Variants in PPM1A observed in about 807,000 individuals in gnomAD.
PPM1A encodes protein phosphatase, Mg2+/Mn2+ dependent 1A.
Under a neutral mutation model 35.0 loss-of-function variants are expected in PPM1A, and 7 were observed. The observed-to-expected ratio is 0.20, with a 90% CI of 0.11 to 0.38. The LOEUF (loss-of-function observed/expected upper bound fraction) is 0.38. Among genes scored for constraint, PPM1A ranks in the 10% least tolerant of loss-of-function variants. The pLI, the probability that PPM1A is intolerant of heterozygous loss-of-function variation, is 1.00. For missense variants in PPM1A, 239 were observed against 467.8 expected (o/e 0.51, Z 4.51); for synonymous variants, 153 against 167.3 (o/e 0.91, Z 0.66).
chr14:60,290,234 A>G (rs925426605), intron 4 of PPM1A, among the ~76,000 whole-genome samples: 18 of 152,156 alleles, frequency 1.2e-4, no homozygotes, highest in Admixed American at 3.3e-4. Context: ...AAAATTTACA[A>G]AATTCTAAGT....
intron 1 of PPM1A, among the ~76,000 whole-genome samples, chr14:60,262,096 C>T (rs2139385073): frequency 6.6e-6 from 1 of 152,190 alleles, no homozygotes; most frequent in African/African-American, 2.4e-5. Context: ...AATTGATATT[C>T]ATTATTTAAT....
chr14:60,261,202 T>C (rs890359089), intron 1 of PPM1A, among the ~76,000 whole-genome samples: 1 of 152,052 alleles, frequency 6.6e-6, no homozygotes, highest in Non-Finnish European at 1.5e-5. Flanking sequence ...AAGAGATTGC[T>C]CAGGCTGAGG....
intron 3 of PPM1A, chr14:60,286,354 A>C: frequency 1.0e-6 from 1 of 985,864 alleles, no homozygotes; most frequent in Admixed American, 6.1e-5. Context: ...TAAGATTAAG[A>C]AATAAGTTGA....
At chr14:60,271,290 C>T (rs1048845122) in intron 1 of PPM1A, among the ~76,000 whole-genome samples, 2 of 152,168 alleles carry the variant, frequency 1.3e-5, no homozygotes, top group African/African-American at 2.4e-5. Flanking sequence ...CTGGATAATC[C>T]AGGATCCTCT....
chr14:60,296,793 A>G lies in PPM1A; in HGVS notation c.*4311A>G, dbSNP rs1230750497. The G allele has an allele frequency of 9.1e-6, 3 of 330,716 alleles. No individual in the cohort carries two copies. Among genetic ancestry groups the G allele is most frequent in the Non-Finnish European group, 1.7e-5 (3 of 178,976 alleles). 20.5% of individuals were successfully genotyped at this position (330,716 alleles called of 1,614,324 possible). On this transcript the variant is annotated 3_prime_UTR_variant, in exon 6 of 6. Transcript: ENST00000395076. This position sits in a 1 kb window ranked among gnomAD's most constrained non-coding sequence, Gnocchi z 4.4. ...TAAATGTTTGTTATTACTGATAGTC[A>G]AAATGCTCAATAGAAATGATGAGAG...
Position 60,289,900 on chromosome 14 carries a change from T to A in PPM1A, c.1047T>A (p.Gly349=). 1 of 1,584,036 alleles carries A rather than the reference T, an allele frequency of 6.3e-7. No individual in the cohort carries two copies. Among genetic ancestry groups the A allele is most frequent in the East Asian group, 2.3e-5 (1 of 43,410 alleles). The change falls in exon 4 of 6, where the codon GGT becomes GGA. Residue 349 remains glycine (G), a synonymous_variant. Transcript: ENST00000395076. This position sits in a 1 kb window ranked among gnomAD's most constrained non-coding sequence, Gnocchi z 4.1. The part of the protein sequence containing the change: ...SENIPSLPPG[G]ELASKRNVIE... ...ACATCCCCAGCCTCCCACCAGGGGG[T>A]GAATTGGCAAGCAAGTAAGTTACAT...
intron 1 of PPM1A, among the ~76,000 whole-genome samples, chr14:60,251,475 G>C (rs188419137): frequency 1.2e-4 from 19 of 152,230 alleles, no homozygotes; most frequent in Non-Finnish European, 7.3e-5. Context: ...GACAAGGATT[G>C]TTTAGTCATG....
chr14:60,278,751 G>A (rs1252881558), intron 1 of PPM1A, among the ~76,000 whole-genome samples: 1 of 152,206 alleles, frequency 6.6e-6, no homozygotes, highest in Admixed American at 6.5e-5. Flanking sequence ...TAGCAAATAT[G>A]TGTATAGAAT....
intron 3 of PPM1A, chr14:60,287,030 G>A: frequency 3.2e-6 from 3 of 927,514 alleles, no homozygotes; most frequent in African/African-American, 1.8e-5. Flanking sequence ...AAATTCATAA[G>A]AATAATATGT....
intron 1 of PPM1A, among the ~76,000 whole-genome samples, chr14:60,255,854 A>G (rs1320650282): frequency 6.6e-6 from 1 of 152,196 alleles, no homozygotes; most frequent in East Asian, 1.9e-4. Context: ...AACTTCCTAC[A>G]TTTTGGCTTT....
rs1336312094 is a variant in PPM1A, at chr14:60,296,406, AT to A, written c.*3927del. ...GCTGTTTGTACAGTATTGTATTAGG[AT>A]TTGGTATTAGAAAAGATGTGTAAAT... is the stretch of plus-strand genomic sequence containing the variant. On this transcript the variant is annotated 3_prime_UTR_variant, in exon 6 of 6. Transcript: ENST00000395076. This position sits in a 1 kb window ranked among gnomAD's most constrained non-coding sequence, Gnocchi z 4.4. 1 of 202,368 alleles carries A rather than the reference AT, an allele frequency of 4.9e-6. No homozygotes were observed. The highest frequency in any genetic ancestry group is 2.3e-5 in the African/African-American group (1 of 43,782). 12.5% of individuals were successfully genotyped at this position (202,368 alleles called of 1,614,324 possible).
At chr14:60,246,138 G>A (rs186121175), upstream of PPM1A, 6 of 1,263,532 alleles carry the variant, frequency 4.7e-6, no homozygotes. Flanking sequence ...AGGATGGTGA[G>A]GGGTATTCTC....
Position 60,289,610 on chromosome 14 carries a change from T to C in PPM1A, c.953-196T>C, listed in dbSNP as rs1342980706. Among the ~76,000 whole-genome samples the C allele has an allele frequency of 2.0e-5, 3 of 152,174 alleles. No homozygotes were observed. Among genetic ancestry groups the C allele is most frequent in the Non-Finnish European group, 4.4e-5 (3 of 68,022 alleles). On this transcript the variant is annotated intron_variant, in intron 3 of 5. Transcript: ENST00000395076. This position sits in a 1 kb window ranked among gnomAD's most constrained non-coding sequence, Gnocchi z 4.1. ...TTTAATTTTGATTTGAAGTTAATCT[T>C]ATATGTCATTTTGTGCATTTTTTGT...
In PPM1A at chr14:60,249,780, C is replaced by T. The variant is rs1318120820; in HGVS notation, c.-21+103C>T. The T allele has an allele frequency of 7.1e-6, 5 of 700,576 alleles. No individual in the cohort carries two copies. Among genetic ancestry groups the T allele is most frequent in the Non-Finnish European group, 8.8e-6 (5 of 569,928 alleles). 43.4% of individuals were successfully genotyped at this position (700,576 alleles called of 1,614,324 possible). On this transcript the variant is annotated intron_variant, in intron 1 of 5. Transcript: ENST00000395076. This position sits in a 1 kb window ranked among gnomAD's most constrained non-coding sequence, Gnocchi z 4.5. ...GGCCTGTAAACAAGCCGGGCGTCTG[C>T]CCGGGCGCTCCCGGGAGGAGACGCG...
intron 1 of PPM1A, among the ~76,000 whole-genome samples, chr14:60,263,792 G>A (rs10150297): frequency 0.37 from 56,788 of 151,910 alleles, 11,839 homozygotes; most frequent in African/African-American, 0.57. Flanking sequence ...GTCCATAGAT[G>A]TACTATCTTA....
At position 60,292,433 on chromosome 14, in the gene PPM1A, T is replaced by C; in HGVS notation, c.1120-20T>C. The C allele has an allele frequency of 6.3e-7, 1 of 1,582,076 alleles. No individual in the cohort carries two copies. The highest frequency in any genetic ancestry group is 8.7e-7 in the Non-Finnish European group (1 of 1,152,216). On this transcript the variant is annotated intron_variant, in intron 5 of 5. Coordinates refer to ENST00000395076, the MANE Select transcript of PPM1A (RefSeq NM_021003.5). This position sits in a 1 kb window ranked among gnomAD's most constrained non-coding sequence, Gnocchi z 4.2. ...CGCTAAATTTTAACGTTGTTCCTTA[T>C]TTTGCTTCCTTTTACAAAGGACTCT... is the stretch of plus-strand genomic sequence containing the variant.
chr14:60,261,566 A>G (rs1883745823), intron 1 of PPM1A, among the ~76,000 whole-genome samples: 1 of 152,156 alleles, frequency 6.6e-6, no homozygotes, highest in African/African-American at 2.4e-5. Flanking sequence ...GAACCAGTAC[A>G]GAGTAGGAAA....
Position 60,282,633 on chromosome 14 carries a change from T to C in PPM1A, c.-20-51T>C, listed in dbSNP as rs879908821. 3.1e-5 allele frequency: 49 copies of C among 1,565,980 alleles called. No homozygotes were observed. Among genetic ancestry groups the C allele is most frequent in the Non-Finnish European group, 4.1e-5 (47 of 1,155,444 alleles). On this transcript the variant is annotated intron_variant, in intron 1 of 5. Coordinates refer to ENST00000395076, the MANE Select transcript of PPM1A (RefSeq NM_021003.5). This position sits in a 1 kb window ranked among gnomAD's most constrained non-coding sequence, Gnocchi z 5.1. ...CTTATTAAAAAGATTGTTTGGTACA[T>C]ATTTTGTTTATAAGACAGTTATTGA...
At chr14:60,264,662 T>C (rs1375428228) in intron 1 of PPM1A, among the ~76,000 whole-genome samples, 2 of 152,200 alleles carry the variant, frequency 1.3e-5, no homozygotes, top group Non-Finnish European at 2.9e-5. Context: ...AGCCTTCATA[T>C]CTTTGAATAT....
Sources: allele counts gnomAD v4.1 joint callset (sites outside exome capture counted in the v4.1 genomes callset), GRCh38; gene constraint gnomAD v4.1.1; non-coding constraint Gnocchi (gnomAD v3.1); transcripts MANE v1.5; gene names NCBI Gene and HGNC (gene_info 2026-07-23, HGNC 2026-07-21).